TNKS2: variants seen among roughly 807,000 people sequenced by gnomAD.
The protein encoded by TNKS2 is poly [ADP-ribose] polymerase tankyrase-2.
In TNKS2, 72 loss-of-function variants were observed where a neutral mutation model predicts 137.6. The ratio of observed to expected loss-of-function variants is 0.52; its 90% CI spans 0.43 to 0.64. The LOEUF (loss-of-function observed/expected upper bound fraction) is 0.64. TNKS2 is among the 30% of genes least tolerant of loss of function. The pLI is 0.00. For missense variants in TNKS2, 1,049 were observed against 1,410.2 expected (o/e 0.74, Z 4.10); for synonymous variants, 516 against 512.1 (o/e 1.01, Z -0.10).
At chr10:91,826,153 A>G (rs1001218164) in intron 7 of TNKS2, among the ~76,000 whole-genome samples, 1 of 152,202 alleles carries the variant, frequency 6.6e-6, no homozygotes, top group African/African-American at 2.4e-5. Context: ...CTTACGTTTC[A>G]TATACACCTT....
intron 2 of TNKS2, among the ~76,000 whole-genome samples, chr10:91,814,700 C>G (rs1589651476): frequency 6.6e-6 from 1 of 152,144 alleles, no homozygotes; most frequent in South Asian, 2.1e-4. Context: ...CTGCAGTATT[C>G]GGTACAGTAA....
At chr10:91,801,291 C>T (rs898581477) in intron 1 of TNKS2, among the ~76,000 whole-genome samples, 3 of 152,144 alleles carry the variant, frequency 2.0e-5, no homozygotes, top group African/African-American at 7.2e-5. Flanking sequence ...AGATAGTCAA[C>T]ATAAACAGGA....
chr10:91,826,093 A>G (rs1422806277), intron 7 of TNKS2, among the ~76,000 whole-genome samples: 2 of 152,266 alleles, frequency 1.3e-5, no homozygotes, highest in South Asian at 4.1e-4. Flanking sequence ...CATATATACT[A>G]CATAATGAGA....
intron 7 of TNKS2, 22 bp downstream of exon 7, chr10:91,822,384 TA>T: frequency 1.3e-6 from 2 of 1,572,526 alleles, no homozygotes; most frequent in Non-Finnish European, 1.7e-6. Flanking sequence ...TGTACTCTCC[TA>T]ATTACTTTCT....
At chr10:91,837,097 G>A in intron 13 of TNKS2, 99 bp downstream of exon 13, 1 of 1,182,052 alleles carries the variant, frequency 8.5e-7, no homozygotes, top group Non-Finnish European at 1.2e-6. Flanking sequence ...TTATTTGTAT[G>A]GGCCTTGCCT....
intron 3 of TNKS2, 109 bp downstream of exon 3, chr10:91,817,338 G>A: frequency 1.6e-6 from 1 of 624,798 alleles, no homozygotes; most frequent in Non-Finnish European, 2.9e-6. Context: ...TTAAAATAGT[G>A]TCAGTTCAGT....
chr10:91,817,412 C>A (rs538762809), intron 3 of TNKS2, among the ~76,000 whole-genome samples, 183 bp downstream of exon 3: 1 of 152,262 alleles, frequency 6.6e-6, no homozygotes, highest in East Asian at 1.9e-4. Flanking sequence ...ATAAAGCTTT[C>A]TTTTTATTTT....
chr10:91,820,031 A>G lies in TNKS2; in HGVS notation c.726A>G (p.Lys242=). The change falls in exon 6 of 27, where the codon AAA becomes AAG. Residue 242 remains lysine (K), a splice_region_variant and synonymous_variant. Transcript: ENST00000371627. ...GAGCTGATGTCCATGCTAAAGATAA[A>G]GGGTAAGCATTTGAACAAAAACAAG... ...QHGADVHAKD[K]GDLVPLHNAC... 1.3e-6 allele frequency: 2 copies of G among 1,561,644 alleles called. No individual in the cohort carries two copies. The highest frequency in any genetic ancestry group is 2.3e-5 in the East Asian group (1 of 43,440).
Position 91,819,519 on chromosome 10 carries a change from C to G in TNKS2, c.595C>G (p.Pro199Ala). 1 of 1,595,462 alleles carries G rather than the reference C, an allele frequency of 6.3e-7. No homozygotes were observed. The highest frequency in any genetic ancestry group is 8.5e-7 in the Non-Finnish European group (1 of 1,175,012). The change falls in exon 5 of 27, where the codon CCA (proline) becomes GCA (alanine). Residue 199 changes from proline to alanine, a missense_variant. Pro to Ala is a conservative substitution (Grantham distance 27). This residue lies in a region of TNKS2 where 374 missense variants were observed against 460.8 expected (regional missense o/e 0.81). Transcript: ENST00000371627. ...AGAAAAAATGATGGCTCTACTCACA[C>G]CATTAAATGTCAACTGCCACGCAAG... ...NEEKMMALLT[P>A]LNVNCHASDG...
At chr10:91,816,996 T>C (rs1027370312) in intron 2 of TNKS2, 138 bp from the exon 3 acceptor site, 1 of 570,508 alleles carries the variant, frequency 1.8e-6, no homozygotes, top group Non-Finnish European at 3.2e-6. Context: ...AAATGTAACA[T>C]TCCCATTCTG....
Position 91,861,984 on chromosome 10 carries a change from C to G in TNKS2, c.3282-15C>G. On this transcript the variant is annotated splice_polypyrimidine_tract_variant and intron_variant, in intron 25 of 26. Transcript: ENST00000371627. ...AATTTGACTTCAGGGTGATCTTTTC[C>G]TTTTCGTTTTATAGGCAGCTGCTCT... 1 of 1,594,530 alleles carries G rather than the reference C, an allele frequency of 6.3e-7. No individual in the cohort carries two copies. The highest frequency in any genetic ancestry group is 8.5e-7 in the Non-Finnish European group (1 of 1,170,260).
chr10:91,812,098 G>C (rs1353995811), intron 1 of TNKS2, among the ~76,000 whole-genome samples: 2 of 151,060 alleles, frequency 1.3e-5, no homozygotes, highest in Admixed American at 6.6e-5. Flanking sequence ...GAAAATTTCA[G>C]AAGAGTGAGC....
At chr10:91,823,608 G>T (rs536377147) in intron 7 of TNKS2, among the ~76,000 whole-genome samples, 2 of 152,120 alleles carry the variant, frequency 1.3e-5, no homozygotes. Context: ...ATTAACAGAC[G>T]TGAGCCACCA....
chr10:91,840,784 G>T, intron 14 of TNKS2, 78 bp downstream of exon 14: 1 of 1,386,202 alleles, frequency 7.2e-7, no homozygotes, highest in Non-Finnish European at 9.8e-7. Flanking sequence ...AATATAATAT[G>T]TTTTATTTTT....
At chr10:91,843,514 G>T (rs1842276104) in intron 16 of TNKS2, among the ~76,000 whole-genome samples, 1 of 152,120 alleles carries the variant, frequency 6.6e-6, no homozygotes, top group South Asian at 2.1e-4. Context: ...TAAGAATTTT[G>T]CAGGGTACAA....
At position 91,825,798 on chromosome 10, in the gene TNKS2, C is replaced by G. The variant is rs7099213; in HGVS notation, c.796-1219C>G. Among the ~76,000 whole-genome samples, 301 of 152,318 alleles carry G rather than the reference C, an allele frequency of 2.0e-3. 1 individual carries two copies. The highest frequency in any genetic ancestry group is 6.9e-3 in the African/African-American group (287 of 41,580). ...GCTAAAATTAAAAAGCCTAACAATA[C>G]AAAGTGTTAGCAAGGATATGTAGCA... On this transcript the variant is annotated intron_variant, in intron 7 of 26. Transcript: ENST00000371627.
intron 24 of TNKS2, among the ~76,000 whole-genome samples, chr10:91,858,197 A>G (rs930125574): frequency 6.6e-6 from 1 of 152,170 alleles, no homozygotes; most frequent in Admixed American, 6.5e-5. Context: ...GAAAAATTTT[A>G]GAGACCTGTA....
intron 15 of TNKS2, 69 bp from the exon 16 acceptor site, chr10:91,842,103 C>T (rs949970459): frequency 9.3e-7 from 1 of 1,080,728 alleles, no homozygotes. Flanking sequence ...TTAACACTGA[C>T]TATTTTCTCA....
At chr10:91,854,516 A>G (rs1024264323) in intron 21 of TNKS2, among the ~76,000 whole-genome samples, 2 of 152,212 alleles carry the variant, frequency 1.3e-5, no homozygotes, top group African/African-American at 4.8e-5. Flanking sequence ...TAAAATGGTA[A>G]CATTAGGGGA....
Sources: allele counts gnomAD v4.1 joint callset (sites outside exome capture counted in the v4.1 genomes callset), GRCh38; gene constraint gnomAD v4.1.1; regional missense constraint gnomAD v4.1.1; transcripts MANE v1.5; gene names NCBI Gene and HGNC (gene_info 2026-07-23, HGNC 2026-07-21).